The following PARD3B variants were observed in gnomAD, a reference collection of about 807,000 sequenced individuals.
PARD3B encodes par-3 family cell polarity regulator beta.
A neutral mutation model predicts 130.2 loss-of-function variants in PARD3B; 103 were observed. The ratio of observed to expected loss-of-function variants is 0.79; its 90% CI spans 0.67 to 0.93. The LOEUF (loss-of-function observed/expected upper bound fraction) is 0.93, where lower values mean the gene tolerates loss of function less well. PARD3B is among the 40% of genes least tolerant of loss of function. The probability of loss-of-function intolerance (pLI) is 0.00; values close to 1 mark genes in which losing one functional copy is unlikely to be tolerated. For missense variants in PARD3B, 1,609 were observed against 1,499.2 expected (o/e 1.07, Z -1.21); for synonymous variants, 583 against 553.2 (o/e 1.05, Z -0.76).
intron 22 of PARD3B, among the ~76,000 whole-genome samples, chr2:205,613,365 A>T (rs921528384): frequency 6.6e-6 from 1 of 152,230 alleles, no homozygotes; most frequent in Admixed American, 6.5e-5. Flanking sequence ...AGTGTATCGG[A>T]TATCTCCAAC....
At chr2:204,629,899 A>T (rs1393574906) in intron 1 of PARD3B, among the ~76,000 whole-genome samples, 1 of 152,222 alleles carries the variant, frequency 6.6e-6, no homozygotes, top group Non-Finnish European at 1.5e-5. Flanking sequence ...GATCTGGTCA[A>T]GAAATATTTA....
At chr2:204,627,975 G>GT (rs1273476190) in intron 1 of PARD3B, among the ~76,000 whole-genome samples, 1 of 90,350 alleles carries the variant, frequency 1.1e-5, no homozygotes, top group Admixed American at 1.4e-4. Context: ...AACACTATGA[G>GT]TTTTTTTGCG....
intron 15 of PARD3B, among the ~76,000 whole-genome samples, chr2:205,205,660 T>G (rs2037248307): frequency 6.6e-6 from 1 of 152,122 alleles, no homozygotes; most frequent in Admixed American, 6.6e-5. Context: ...CCTGAAGCAG[T>G]GTTGAATTTT....
chr2:204,718,143 C>T (rs1559085036), intron 2 of PARD3B, among the ~76,000 whole-genome samples: 1 of 152,028 alleles, frequency 6.6e-6, no homozygotes. Flanking sequence ...ATTAATGTCT[C>T]AGCATTTGTG....
At chr2:204,841,430 T>C (rs2044256842) in intron 2 of PARD3B, among the ~76,000 whole-genome samples, 1 of 152,162 alleles carries the variant, frequency 6.6e-6, no homozygotes, top group Admixed American at 6.5e-5. Context: ...GCCTTACTTT[T>C]CTTTAATTTT....
intron 15 of PARD3B, among the ~76,000 whole-genome samples, chr2:205,217,856 GTGTGTGTGTGTGTATATA>G (rs2038013128): frequency 2.4e-5 from 2 of 82,128 alleles, no homozygotes; most frequent in African/African-American, 1.2e-4. Context: ...GTGTGTGTGT[GTGTGTGTGTGTGTATATA>G]TATATATATA....
intron 2 of PARD3B, among the ~76,000 whole-genome samples, chr2:204,868,972 A>G (rs945690361): frequency 1.9e-4 from 29 of 152,214 alleles, no homozygotes; most frequent in African/African-American, 6.8e-4. Context: ...CTACCTCTGA[A>G]ATACATGAAG....
chr2:205,320,034 G>A (rs1467765513), intron 18 of PARD3B, among the ~76,000 whole-genome samples: 1 of 151,878 alleles, frequency 6.6e-6, no homozygotes, highest in Non-Finnish European at 1.5e-5. Flanking sequence ...CAAATGTGGT[G>A]GCATGCCTGT....
At chr2:205,478,180 C>T (rs774169681) in intron 20 of PARD3B, among the ~76,000 whole-genome samples, 3 of 152,144 alleles carry the variant, frequency 2.0e-5, no homozygotes, top group Non-Finnish European at 4.4e-5. Context: ...TGTACTTCAG[C>T]GAAGAGTAAA....
At chr2:204,739,211 G>T (rs1248936751) in intron 2 of PARD3B, among the ~76,000 whole-genome samples, 1 of 152,104 alleles carries the variant, frequency 6.6e-6, no homozygotes, top group Admixed American at 6.5e-5. Flanking sequence ...TTGGTTTTCT[G>T]TGCCTTGGGA....
At chr2:205,022,629 C>T (rs553130546) in intron 3 of PARD3B, among the ~76,000 whole-genome samples, 10 of 152,134 alleles carry the variant, frequency 6.6e-5, no homozygotes, top group South Asian at 4.2e-4. Context: ...AGAGAAAATC[C>T]GGATTCCAGA....
intron 1 of PARD3B, among the ~76,000 whole-genome samples, chr2:204,612,975 A>G (rs2125118448): frequency 6.6e-6 from 1 of 152,236 alleles, no homozygotes; most frequent in Admixed American, 6.5e-5. Flanking sequence ...TGGTGAGATC[A>G]GTATTCAGTT....
At chr2:205,410,343 C>T (rs1166353291) in intron 19 of PARD3B, among the ~76,000 whole-genome samples, 1 of 152,100 alleles carries the variant, frequency 6.6e-6, no homozygotes, top group Non-Finnish European at 1.5e-5. Context: ...TCTGTGAAAG[C>T]TTTGGGGGAC....
At chr2:204,800,053 G>A (rs778333104) in intron 2 of PARD3B, among the ~76,000 whole-genome samples, 5 of 152,150 alleles carry the variant, frequency 3.3e-5, no homozygotes, top group Admixed American at 6.6e-5. Context: ...GACTAATCCT[G>A]GAGTGACAGA....
intron 2 of PARD3B, among the ~76,000 whole-genome samples, chr2:204,925,801 G>A (rs1047675884): frequency 6.6e-6 from 1 of 152,054 alleles, no homozygotes; most frequent in Non-Finnish European, 1.5e-5. Flanking sequence ...ACATGTCAAG[G>A]GAGGAACCCA....
chr2:205,481,579 G>A (rs1488197444), intron 20 of PARD3B, among the ~76,000 whole-genome samples: 3 of 152,180 alleles, frequency 2.0e-5, no homozygotes, highest in Admixed American at 1.3e-4. Context: ...TGGGAGAAAC[G>A]AAGCCAACAA....
At chr2:204,983,410 G>A (rs895941212) in intron 3 of PARD3B, among the ~76,000 whole-genome samples, 3 of 145,786 alleles carry the variant, frequency 2.1e-5, no homozygotes, top group African/African-American at 5.1e-5. Flanking sequence ...GGGGGGAGTC[G>A]GGAGAGGAAG....
chr2:204,650,156 A>G (rs1402428223), intron 1 of PARD3B, among the ~76,000 whole-genome samples: 1 of 152,188 alleles, frequency 6.6e-6, no homozygotes, highest in African/African-American at 2.4e-5. Flanking sequence ...TTAAAGCTCA[A>G]TATCACTGAT....
intron 1 of PARD3B, among the ~76,000 whole-genome samples, chr2:204,661,692 T>A (rs1032286123): frequency 3.3e-5 from 5 of 152,204 alleles, no homozygotes; most frequent in African/African-American, 1.2e-4. Flanking sequence ...ATTTAACAAA[T>A]TTATTTAAAA....
Sources: gnomAD v4.1 joint callset for allele counts (sites outside exome capture counted in the v4.1 genomes callset) on GRCh38, gnomAD v4.1.1 for gene constraint, MANE v1.5 for transcripts, NCBI Gene and HGNC (gene_info 2026-07-23, HGNC 2026-07-21) for gene names.